CLVS1: variants seen among roughly 807,000 people sequenced by gnomAD.
CLVS1 encodes clavesin 1, also known as clavesin-1.
A neutral mutation model predicts 33.1 loss-of-function variants in CLVS1; 10 were observed. The observed-to-expected ratio is 0.30, with a 90% CI of 0.19 to 0.51. The LOEUF is 0.51. CLVS1 is among the 20% of genes least tolerant of loss of function. The probability of loss-of-function intolerance (pLI) is 0.97; values close to 1 mark genes in which losing one functional copy is unlikely to be tolerated. For missense variants in CLVS1, 343 were observed against 433.4 expected, an observed-to-expected ratio of 0.79 and a Z score of 1.85; for synonymous variants, 163 against 166.1, an observed-to-expected ratio of 0.98 and a Z score of 0.14.
intron 2 of CLVS1, among the ~76,000 whole-genome samples, chr8:61,305,822 T>A (rs1485712085): frequency 6.6e-6 from 1 of 152,146 alleles, no homozygotes; most frequent in African/African-American, 2.4e-5. Context: ...GGTTTTTTGT[T>A]CTTGTATTAG....
At chr8:61,099,010 A>C (rs1805402109) in intron 1 of CLVS1, among the ~76,000 whole-genome samples, 1 of 152,204 alleles carries the variant, frequency 6.6e-6, no homozygotes, top group Non-Finnish European at 1.5e-5. Context: ...AGCATCTTTT[A>C]ATATAGACCC....
chr8:61,030,389 C>T, the CLVS1 span, among the ~76,000 whole-genome samples: 3 of 152,138 alleles, frequency 2.0e-5, no homozygotes, highest in Admixed American at 2.0e-4. Flanking sequence ...AAGTTATGAA[C>T]TGGCAAGACT....
intron 3 of CLVS1, among the ~76,000 whole-genome samples, chr8:61,402,707 T>C (rs1029224199): frequency 6.6e-6 from 1 of 152,204 alleles, no homozygotes; most frequent in African/African-American, 2.4e-5. Flanking sequence ...TGATTCAGAA[T>C]CCATGTGCTC....
At chr8:61,415,736 C>T (rs556100655) in intron 3 of CLVS1, among the ~76,000 whole-genome samples, 1 of 152,258 alleles carries the variant, frequency 6.6e-6, no homozygotes, top group South Asian at 2.1e-4. Context: ...TGACTGGCCA[C>T]CTACCCTCTT....
chr8:61,150,101 G>GGTGTGTGT (rs10653874), intron 2 of CLVS1, among the ~76,000 whole-genome samples: 15,415 of 146,458 alleles, frequency 0.11, 943 homozygotes, highest in African/African-American at 0.16. Context: ...ATTTGAGAAA[G>GGTGTGTGT]GTGTGTGTGT....
chr8:61,471,686 G>T (rs142549360), intron 5 of CLVS1, among the ~76,000 whole-genome samples: 83 of 152,278 alleles, frequency 5.5e-4, no homozygotes, highest in Non-Finnish European at 1.0e-3. Flanking sequence ...CTCCTGGTCA[G>T]CCAAGAGGGC....
the CLVS1 span, among the ~76,000 whole-genome samples, chr8:60,990,951 A>G: frequency 2.0e-5 from 3 of 152,098 alleles, no homozygotes; most frequent in African/African-American, 7.2e-5. Flanking sequence ...ACCTCAAGTG[A>G]TCCACCTGCC....
intron 2 of CLVS1, among the ~76,000 whole-genome samples, chr8:61,226,980 G>GTTTTTTTTTTTTTTTTTTTTTTT (rs55718731): frequency 7.6e-6 from 1 of 132,310 alleles, no homozygotes; most frequent in African/African-American, 2.9e-5. Context: ...ACGAAAACAT[G>GTTTTTTTTTTTTTTTTTTTTTTT]TTTTTTTTTT....
intron 2 of CLVS1, among the ~76,000 whole-genome samples, chr8:61,373,798 A>T (rs796733311): frequency 1.9e-4 from 29 of 152,316 alleles, no homozygotes; most frequent in Admixed American, 5.2e-4. Flanking sequence ...TCTGTGGCTT[A>T]AGAAAGCAAT....
At chr8:61,371,789 C>T (rs183157390) in intron 2 of CLVS1, among the ~76,000 whole-genome samples, 266 of 152,242 alleles carry the variant, frequency 1.7e-3, no homozygotes, top group African/African-American at 6.1e-3. Flanking sequence ...GTGCTTAACT[C>T]GTATATACAA....
At chr8:61,065,306 G>A (rs568836061) in intron 1 of CLVS1, among the ~76,000 whole-genome samples, 1 of 152,296 alleles carries the variant, frequency 6.6e-6, no homozygotes, top group South Asian at 2.1e-4. Context: ...CAAGAAAAAA[G>A]TCTGTGTATG....
the CLVS1 span, among the ~76,000 whole-genome samples, chr8:60,980,139 C>T: frequency 1.3e-5 from 2 of 152,200 alleles, no homozygotes; most frequent in Admixed American, 6.5e-5. Context: ...AAGAACTGCA[C>T]AAGTTCTAAT....
At chr8:60,976,995 C>T in the CLVS1 span, among the ~76,000 whole-genome samples, 2 of 152,254 alleles carry the variant, frequency 1.3e-5, no homozygotes, top group Non-Finnish European at 1.5e-5. Context: ...TATTCCCTAC[C>T]TGCTAGTTTC....
the CLVS1 span, among the ~76,000 whole-genome samples, chr8:61,003,609 C>T: frequency 1.3e-5 from 2 of 152,162 alleles, no homozygotes; most frequent in Admixed American, 1.3e-4. Flanking sequence ...ATGGTAGAAT[C>T]CTGAACTGGT....
intron 5 of CLVS1, among the ~76,000 whole-genome samples, chr8:61,469,936 C>T (rs1563567424): frequency 6.6e-6 from 1 of 152,216 alleles, no homozygotes; most frequent in African/African-American, 2.4e-5. Flanking sequence ...CACTGCTACT[C>T]AAGCAGCTAA....
At chr8:61,021,412 G>T in the CLVS1 span, among the ~76,000 whole-genome samples, 2 of 152,116 alleles carry the variant, frequency 1.3e-5, no homozygotes, top group Non-Finnish European at 1.5e-5. Flanking sequence ...GTGCAATGGC[G>T]CGATCTCAGT....
chr8:61,099,177 T>C (rs1181102008), intron 1 of CLVS1, among the ~76,000 whole-genome samples: 1 of 152,212 alleles, frequency 6.6e-6, no homozygotes, highest in Non-Finnish European at 1.5e-5. Context: ...TTCACTTGAA[T>C]GCAGGCTAGT....
intron 2 of CLVS1, among the ~76,000 whole-genome samples, chr8:61,150,813 T>G (rs540484921): frequency 6.6e-6 from 1 of 152,284 alleles, no homozygotes; most frequent in African/African-American, 2.4e-5. Flanking sequence ...ACGTAGACAT[T>G]GCGAGTGATG....
intron 2 of CLVS1, among the ~76,000 whole-genome samples, chr8:61,188,850 T>G (rs535713321): frequency 5.3e-5 from 8 of 152,130 alleles, no homozygotes; most frequent in Admixed American, 1.3e-4. Flanking sequence ...AATTTCCCTT[T>G]AAGAAGAAAA....
Sources: allele counts gnomAD v4.1 joint callset (sites outside exome capture counted in the v4.1 genomes callset), GRCh38; gene constraint gnomAD v4.1.1; transcripts MANE v1.5; gene names NCBI Gene and HGNC (gene_info 2026-07-23, HGNC 2026-07-21).